SH2D4B: variants seen among roughly 807,000 people sequenced by gnomAD.
SH2D4B encodes the protein SH2 domain-containing protein 4B.
In SH2D4B, 45 loss-of-function variants were observed where a neutral mutation model predicts 61.5. That is an observed-to-expected ratio of 0.73 (90% CI 0.58 to 0.94). The LOEUF (loss-of-function observed/expected upper bound fraction) is 0.94. SH2D4B is among the 40% of genes least tolerant of loss of function. The pLI is 0.00. For missense variants in SH2D4B, 572 were observed against 574.2 expected (o/e 1.00, Z 0.04); for synonymous variants, 224 against 220.4 (o/e 1.02, Z -0.14).
intron 4 of SH2D4B, 33 bp from the exon 5 acceptor site, chr10:80,603,546 A>G (rs1266657417): frequency 4.7e-6 from 7 of 1,500,738 alleles, no homozygotes; most frequent in Non-Finnish European, 6.3e-6. Flanking sequence ...TGGGCTGCGG[A>G]TCTGGGCTAA....
chr10:80,570,801 A>G (rs1589339147), intron 2 of SH2D4B, among the ~76,000 whole-genome samples: 1 of 152,332 alleles, frequency 6.6e-6, no homozygotes, highest in African/African-American at 2.4e-5. Context: ...CATTTTTTAT[A>G]TTATAAAAAT....
At chr10:80,560,281 C>T (rs1418279530) in intron 1 of SH2D4B, among the ~76,000 whole-genome samples, 3 of 152,064 alleles carry the variant, frequency 2.0e-5, no homozygotes, top group African/African-American at 7.2e-5. Flanking sequence ...GCCACCGTGC[C>T]CGGCTGCACC....
At chr10:80,568,991 C>T (rs182913073) in intron 1 of SH2D4B, among the ~76,000 whole-genome samples, 55 of 152,348 alleles carry the variant, frequency 3.6e-4, no homozygotes, top group Non-Finnish European at 7.1e-4. Flanking sequence ...AAACATCGCT[C>T]ACCACCCAAC....
In SH2D4B at chr10:80,645,416, C is replaced by T. The variant is rs1840382222; in HGVS notation, c.*1331C>T. ...TGGTAGCTTGCCACATGCCCCATCT[C>T]CCATTGCTGCAGAGGCATAAGACAG... On this transcript the variant is annotated 3_prime_UTR_variant, in exon 8 of 8. Coordinates refer to ENST00000646907, the MANE Select transcript of SH2D4B (RefSeq NM_001388272.1). 1 of 152,224 alleles carries T rather than the reference C, an allele frequency of 6.6e-6. No individual in the cohort carries two copies. Among genetic ancestry groups the T allele is most frequent in the Non-Finnish European group, 1.5e-5 (1 of 68,066 alleles). The allele number at this position is 152,224 out of a possible 1,614,324, so 9.4% of individuals were successfully genotyped here.
chr10:80,609,517 G>A lies in SH2D4B; in HGVS notation c.954G>A (p.Glu318=). Residue 318 remains glutamate (E), a synonymous_variant, in exon 6 of 8, where the codon GAG becomes GAA. Coordinates refer to ENST00000646907, the MANE Select transcript of SH2D4B (RefSeq NM_001388272.1). ...AGCTGCCTCGCCGAGCTGGCTTCGA[G>A]AGGAACACCAAGTTCATCGCCCCCT... ...EEQLPRRAGF[E]RNTKFIAPWF... 6.2e-7 allele frequency: 1 copy of A among 1,614,232 alleles called. No homozygotes were observed. Among genetic ancestry groups the A allele is most frequent in the Admixed American group, 1.7e-5 (1 of 60,028 alleles).
chr10:80,620,770 T>C (rs1189630939), intron 6 of SH2D4B, among the ~76,000 whole-genome samples: 2 of 152,258 alleles, frequency 1.3e-5, no homozygotes, highest in African/African-American at 4.8e-5. Flanking sequence ...AAGGATTGAA[T>C]GAGCTAGGGC....
chr10:80,562,144 C>T (rs1026062129), intron 1 of SH2D4B, among the ~76,000 whole-genome samples: 2 of 152,076 alleles, frequency 1.3e-5, no homozygotes, highest in African/African-American at 4.8e-5. Context: ...AAAAATTCCA[C>T]ATGCAAGTGA....
At chr10:80,591,728 T>G (rs1316263622) in intron 4 of SH2D4B, among the ~76,000 whole-genome samples, 1 of 152,106 alleles carries the variant, frequency 6.6e-6, no homozygotes, top group African/African-American at 2.4e-5. Context: ...CTGGAACTCC[T>G]GACCTCAGGT....
At chr10:80,619,145 A>G (rs1042982576) in intron 6 of SH2D4B, among the ~76,000 whole-genome samples, 1 of 152,114 alleles carries the variant, frequency 6.6e-6, no homozygotes, top group African/African-American at 2.4e-5. Flanking sequence ...CTCAGGGTGT[A>G]GTAACAGAGG....
intron 6 of SH2D4B, among the ~76,000 whole-genome samples, chr10:80,626,241 A>G (rs7923784): frequency 0.032 from 4,858 of 151,636 alleles, 282 homozygotes; most frequent in African/African-American, 0.11. Flanking sequence ...TTTTTATTTT[A>G]TTCTTTTCCT....
chr10:80,587,765 C>A (rs1029531598), intron 3 of SH2D4B, among the ~76,000 whole-genome samples: 5 of 152,032 alleles, frequency 3.3e-5, no homozygotes, highest in Admixed American at 1.3e-4. Flanking sequence ...TGCAGTAATC[C>A]CCAGTGTCTG....
chr10:80,543,404 C>T (rs957639684), intron 1 of SH2D4B, among the ~76,000 whole-genome samples: 1 of 152,198 alleles, frequency 6.6e-6, no homozygotes, highest in African/African-American at 2.4e-5. Flanking sequence ...CCTGGGCCAG[C>T]AGCTGCTGTG....
chr10:80,633,073 G>A (rs554949989), intron 6 of SH2D4B, among the ~76,000 whole-genome samples: 11 of 152,024 alleles, frequency 7.2e-5, no homozygotes, highest in South Asian at 4.2e-4. Context: ...GGGAAGTCTC[G>A]AGTGTGCCCT....
At chr10:80,600,756 AC>A (rs1243462208) in intron 4 of SH2D4B, among the ~76,000 whole-genome samples, 1 of 152,012 alleles carries the variant, frequency 6.6e-6, no homozygotes, top group Non-Finnish European at 1.5e-5. Context: ...TCAAGGCCCC[AC>A]CTGTCTGAAT....
intron 6 of SH2D4B, among the ~76,000 whole-genome samples, chr10:80,632,675 G>A (rs1034139389): frequency 1.3e-5 from 2 of 151,930 alleles, no homozygotes; most frequent in Admixed American, 1.3e-4. Context: ...TCTGGTGTTG[G>A]GGCAGGGAGG....
At chr10:80,553,904 T>C (rs1841793296) in intron 1 of SH2D4B, among the ~76,000 whole-genome samples, 1 of 152,214 alleles carries the variant, frequency 6.6e-6, no homozygotes, top group Admixed American at 6.5e-5. Context: ...TGTGGCTGTT[T>C]CCCACTTATT....
chr10:80,611,353 C>T lies in SH2D4B; in HGVS notation c.988+1802C>T, dbSNP rs182410796. ...GCGTCCATGGTACAGTGGATAGTTT[C>T]GAAGGATAATCTAGTCTGTTATGAC... On this transcript the variant is annotated intron_variant, in intron 6 of 7. Transcript: ENST00000646907. Among the ~76,000 whole-genome samples the T allele has an allele frequency of 1.4e-4, 22 of 152,176 alleles. No individual in the cohort carries two copies. In the East Asian group the frequency reaches 3.9e-3, roughly 27 times the overall value.
intron 1 of SH2D4B, among the ~76,000 whole-genome samples, chr10:80,548,535 C>A (rs1318642136): frequency 2.6e-5 from 4 of 152,172 alleles, no homozygotes; most frequent in African/African-American, 9.7e-5. Flanking sequence ...GGATCCAGGC[C>A]AACTCAATTT....
chr10:80,548,683 G>C (rs995378917), intron 1 of SH2D4B, among the ~76,000 whole-genome samples: 27 of 152,232 alleles, frequency 1.8e-4, no homozygotes, highest in African/African-American at 6.5e-4. Flanking sequence ...AGGTACCTAA[G>C]AGCCAGGTCA....
Sources: gnomAD v4.1 joint callset for allele counts (sites outside exome capture counted in the v4.1 genomes callset) on GRCh38, gnomAD v4.1.1 for gene constraint, MANE v1.5 for transcripts, NCBI Gene and HGNC (gene_info 2026-07-23, HGNC 2026-07-21) for gene names.